CRACDL: variants seen among roughly 807,000 people sequenced by gnomAD.
CRACDL encodes CRACD-like protein.
Under a neutral mutation model 70.6 loss-of-function variants are expected in CRACDL, and 26 were observed. That is an observed-to-expected ratio of 0.37 (90% confidence interval 0.27 to 0.51). CRACDL has a LOEUF of 0.51. Among genes scored for constraint, CRACDL ranks in the 20% least tolerant of loss-of-function variants. CRACDL has a pLI of 0.94. For synonymous variants in CRACDL, 618 were observed against 615.2 expected (o/e 1.00, Z -0.07); for missense variants, 1,283 against 1,376.9 (o/e 0.93, Z 1.08).
rs565334429 is a variant in CRACDL, at chr2:98,838,430, C to T, written c.71-143G>A. Reference sequence around the variant, plus strand: ...CTGCTTCTGAAAAGTCCTTTTACTTCGCAAAAGTACATGGTATACCAGTTT... The same window carrying T: ...CTGCTTCTGAAAAGTCCTTTTACTTTGCAAAAGTACATGGTATACCAGTTT... On this transcript the variant is annotated intron_variant, in intron 2 of 9. Coordinates refer to ENST00000397899, the MANE Select transcript of CRACDL (RefSeq NM_207362.3). 6.4e-5 allele frequency: 33 copies of T among 512,260 alleles called. No homozygotes were observed. In the Admixed American group the frequency reaches 7.2e-4, roughly 11 times the overall value. The allele number at this position is 512,260 out of a possible 1,614,324, so 31.7% of individuals were successfully genotyped here.
chr2:98,812,633 T>C lies in CRACDL; in HGVS notation c.2416+9224A>G, dbSNP rs1263606079. On this transcript the variant is annotated intron_variant, in intron 7 of 9. Coordinates refer to ENST00000397899, the MANE Select transcript of CRACDL (RefSeq NM_207362.3). ...GGTAAGCATATTTTCAGGTGCTTATTTGCCATCTGTACACTTTCTCTGGTG... is the reference window on the plus strand; with the variant it reads ...GGTAAGCATATTTTCAGGTGCTTATCTGCCATCTGTACACTTTCTCTGGTG... 2.0e-5 allele frequency among the ~76,000 whole-genome samples: 3 copies of C among 152,348 alleles called. No homozygotes were observed. The South Asian group carries it at 6.2e-4, about 32-fold the overall frequency.
chr2:98,918,345 C>T (rs1197221104), intron 1 of CRACDL, among the ~76,000 whole-genome samples: 1 of 151,824 alleles, frequency 6.6e-6, no homozygotes. Context: ...CCAGCCTGGC[C>T]AACATGACAA....
At chr2:98,895,789 T>C (rs1708105675) in intron 1 of CRACDL, among the ~76,000 whole-genome samples, 1 of 152,140 alleles carries the variant, frequency 6.6e-6, no homozygotes, top group Non-Finnish European at 1.5e-5. Flanking sequence ...AAAATTCGTG[T>C]GTTGAAATCT....
At chr2:98,806,349 C>T (rs945296187) in intron 7 of CRACDL, among the ~76,000 whole-genome samples, 2 of 152,240 alleles carry the variant, frequency 1.3e-5, no homozygotes, top group African/African-American at 4.8e-5. Flanking sequence ...AGGAATCTGG[C>T]CAGCCATGTG....
intron 2 of CRACDL, among the ~76,000 whole-genome samples, chr2:98,841,392 C>A (rs560843758): frequency 6.6e-6 from 1 of 152,164 alleles, no homozygotes; most frequent in East Asian, 1.9e-4. Context: ...TAGTTTATAA[C>A]CCTTACCTTT....
chr2:98,822,181 C>T lies in CRACDL; in HGVS notation c.2092G>A (p.Gly698Ser). The T allele has an allele frequency of 6.2e-7, 1 of 1,611,522 alleles. No individual in the cohort carries two copies. Among genetic ancestry groups the T allele is most frequent in the South Asian group, 1.1e-5 (1 of 90,546 alleles). ...ACACCCTTCACCTCCTGAGAGGCGC[C>T]ATCCCTGTATTTGAGCGAGAGGGAG... ...STSLSLKYRD[G>S]ASQEVKGVKR... The change falls in exon 7 of 10, where the codon GGC (glycine) becomes AGC (serine). Residue 698 changes from glycine to serine, a missense_variant. Physicochemically the swap from Gly to Ser is moderately conservative, Grantham distance 56. Transcript: ENST00000397899. The surrounding 1 kb of genome is among the most constrained non-coding windows in gnomAD (Gnocchi z 4.9).
At chr2:98,797,292 A>AGT in intron 8 of CRACDL, 58 bp downstream of exon 8, 1 of 1,542,264 alleles carries the variant, frequency 6.5e-7, no homozygotes, top group Non-Finnish European at 8.9e-7. Context: ...TCCTCGCCCC[A>AGT]GTCCCAGCTG....
intron 2 of CRACDL, among the ~76,000 whole-genome samples, chr2:98,845,255 G>T (rs1706209525): frequency 6.7e-6 from 1 of 149,004 alleles, no homozygotes. Context: ...GGAGTGCAGT[G>T]GCATAATCAT....
Position 98,823,451 on chromosome 2 carries a change from T to C in CRACDL, c.822A>G (p.Pro274=). The C allele has an allele frequency of 1.9e-6, 3 of 1,591,212 alleles. No homozygotes were observed. The highest frequency in any genetic ancestry group is 2.6e-6 in the Non-Finnish European group (3 of 1,176,342). ...GCTGCCCAGAGCTGGGGCGCTCTTCTGGGCTGACTTCCAAAAGTGGCTTCT... is the reference window on the plus strand; with the variant it reads ...GCTGCCCAGAGCTGGGGCGCTCTTCCGGGCTGACTTCCAAAAGTGGCTTCT... ...NEEKPLLEVS[P]EERPSSGQQD... The change falls in exon 7 of 10, where the codon CCA becomes CCG. Residue 274 remains proline, a synonymous_variant. Coordinates refer to ENST00000397899, the MANE Select transcript of CRACDL (RefSeq NM_207362.3). This position sits in a 1 kb window ranked among gnomAD's most constrained non-coding sequence, Gnocchi z 4.0.
In CRACDL at chr2:98,822,840, C is replaced by T. The variant is rs564034152; in HGVS notation, c.1433G>A (p.Arg478Lys). 6.2e-6 allele frequency: 9 copies of T among 1,443,716 alleles called. 1 individual carries two copies. Among genetic ancestry groups the T allele is most frequent in the African/African-American group, 4.4e-5 (3 of 67,586 alleles). The allele number at this position is 1,443,716 out of a possible 1,614,324, so 89.4% of individuals were successfully genotyped here. A position where few individuals can be genotyped will look rare whatever the true frequency, so the allele number is the denominator to read the frequency against. The change falls in exon 7 of 10, where the codon AGA becomes AAA. Residue 478 changes from arginine (R) to lysine (K), a missense_variant. Physicochemically the swap from Arg to Lys is conservative, Grantham distance 26 (BLOSUM62 2). Transcript: ENST00000397899. The surrounding 1 kb of genome is among the most constrained non-coding windows in gnomAD (Gnocchi z 4.9). ...PERGAGTEPERIGTEPSTAPA... is the reference protein window; with the variant it reads ...PERGAGTEPEKIGTEPSTAPA... ...CGCCGTGGAGGGCTCGGTCCCAATT[C>T]TCTCGGGCTCGGTCCCCGCTCCTCT...
At chr2:98,881,137 C>T (rs912623762) in intron 1 of CRACDL, among the ~76,000 whole-genome samples, 2 of 152,206 alleles carry the variant, frequency 1.3e-5, no homozygotes, top group Non-Finnish European at 2.9e-5. Context: ...GCTTTGGTTT[C>T]TACCTGGAGG....
intron 7 of CRACDL, among the ~76,000 whole-genome samples, chr2:98,814,917 A>T (rs1031126492): frequency 6.6e-6 from 1 of 152,156 alleles, no homozygotes; most frequent in African/African-American, 2.4e-5. Context: ...TATTACTGAA[A>T]TTATCATTAT....
intron 5 of CRACDL, among the ~76,000 whole-genome samples, chr2:98,829,950 A>G (rs1705469349): frequency 6.6e-6 from 1 of 152,226 alleles, no homozygotes; most frequent in South Asian, 2.1e-4. Flanking sequence ...AAACCCTCTC[A>G]GGACACAGAT....
chr2:98,831,073 G>A (rs1322071432), intron 5 of CRACDL, among the ~76,000 whole-genome samples: 1 of 152,098 alleles, frequency 6.6e-6, no homozygotes, highest in Non-Finnish European at 1.5e-5. Flanking sequence ...GGGTTGGCTC[G>A]GTGAAGTCTA....
chr2:98,928,343 G>C (rs1356786158), intron 1 of CRACDL, among the ~76,000 whole-genome samples: 2 of 152,194 alleles, frequency 1.3e-5, no homozygotes, highest in East Asian at 3.8e-4. Context: ...CCCAAATGTT[G>C]TAAGAGATCC....
chr2:98,823,499 G>A lies in CRACDL; in HGVS notation c.774C>T (p.Thr258=). The A allele has an allele frequency of 6.3e-7, 1 of 1,593,694 alleles. No individual in the cohort carries two copies. Among genetic ancestry groups the A allele is most frequent in the Non-Finnish European group, 8.5e-7 (1 of 1,177,596 alleles). The stretch of plus-strand genomic sequence containing the variant: ...TCTCCTCGTTTTCCTCCTCCTCTGG[G>A]GTGCACGTCAGGTCGCTCAGGGATT... ...QSESLSDLTC[T]PEEEENEEKP... The change falls in exon 7 of 10, where the codon ACC becomes ACT. Residue 258 remains threonine (T), a synonymous_variant. Transcript: ENST00000397899. This position sits in a 1 kb window ranked among gnomAD's most constrained non-coding sequence, Gnocchi z 4.0.
intron 5 of CRACDL, among the ~76,000 whole-genome samples, chr2:98,827,781 A>C (rs933003223): frequency 1.3e-5 from 2 of 152,058 alleles, no homozygotes; most frequent in Non-Finnish European, 2.9e-5. Context: ...TTCAGACAAG[A>C]GCTTTCTCTC....
At chr2:98,814,590 A>C (rs751308946) in intron 7 of CRACDL, among the ~76,000 whole-genome samples, 3 of 152,178 alleles carry the variant, frequency 2.0e-5, no homozygotes, top group Admixed American at 1.3e-4. Context: ...AATATGGTCT[A>C]TCTTCATGAA....
chr2:98,888,753 T>G (rs1222264742), intron 1 of CRACDL, among the ~76,000 whole-genome samples: 2 of 152,226 alleles, frequency 1.3e-5, no homozygotes, highest in Non-Finnish European at 2.9e-5. Context: ...GATCTACATC[T>G]ATGCTGTATA....
Sources: gnomAD v4.1 joint callset for allele counts (sites outside exome capture counted in the v4.1 genomes callset) on GRCh38, gnomAD v4.1.1 for gene constraint, Gnocchi (gnomAD v3.1) non-coding constraint, MANE v1.5 for transcripts, NCBI Gene and HGNC (gene_info 2026-07-23, HGNC 2026-07-21) for gene names.